The following EPHA6 variants were observed in gnomAD, a reference collection of about 807,000 sequenced individuals.
EPHA6 encodes the protein EPH receptor A6.
EPHA6 carries 50 observed loss-of-function variants against 112.0 expected under a neutral mutation model. The observed-to-expected ratio is 0.45, with a 90% CI of 0.36 to 0.56. EPHA6 has a LOEUF of 0.56. EPHA6 is among the 20% of genes least tolerant of loss of function. The pLI, the probability that EPHA6 is intolerant of heterozygous loss-of-function variation, is 0.00. For missense variants in EPHA6, 1,280 were observed against 1,417.4 expected (o/e 0.90, Z 1.56); for synonymous variants, 529 against 490.7 (o/e 1.08, Z -1.03).
At chr3:97,193,929 G>A (rs1298726073) in intron 3 of EPHA6, among the ~76,000 whole-genome samples, 1 of 151,942 alleles carries the variant, frequency 6.6e-6, no homozygotes, top group African/African-American at 2.4e-5. Flanking sequence ...CTGTTGATAT[G>A]ATATATCACA....
At chr3:96,981,605 T>C (rs1272620583) in intron 2 of EPHA6, among the ~76,000 whole-genome samples, 4 of 152,188 alleles carry the variant, frequency 2.6e-5, no homozygotes, top group African/African-American at 9.7e-5. Flanking sequence ...TTTCTATTGA[T>C]TGGAATAATT....
chr3:97,351,409 T>C (rs1216527828), intron 5 of EPHA6, among the ~76,000 whole-genome samples: 2 of 152,274 alleles, frequency 1.3e-5, no homozygotes, highest in African/African-American at 4.8e-5. Flanking sequence ...ATTTTTGTTA[T>C]GCTTGCTTTT....
At chr3:97,747,228 A>G (rs896568675) in intron 16 of EPHA6, among the ~76,000 whole-genome samples, 195 bp from the exon 17 acceptor site, 2 of 152,068 alleles carry the variant, frequency 1.3e-5, no homozygotes, top group Admixed American at 1.3e-4. Context: ...GTGTTCCACC[A>G]GATAAGTCAC....
intron 14 of EPHA6, among the ~76,000 whole-genome samples, chr3:97,694,098 G>A (rs922834029): frequency 6.6e-6 from 1 of 152,048 alleles, no homozygotes; most frequent in South Asian, 2.1e-4. Context: ...TTATTTTATA[G>A]CAAACACTTG....
At chr3:96,942,727 C>A (rs1042604215) in intron 2 of EPHA6, among the ~76,000 whole-genome samples, 2 of 152,182 alleles carry the variant, frequency 1.3e-5, no homozygotes, top group African/African-American at 4.8e-5. Context: ...AGCTGTAGAC[C>A]GGAGCTGTTC....
chr3:97,722,365 G>T (rs1288845033), intron 15 of EPHA6, among the ~76,000 whole-genome samples: 1 of 152,210 alleles, frequency 6.6e-6, no homozygotes, highest in Non-Finnish European at 1.5e-5. Flanking sequence ...GGAAGGGACT[G>T]TAAAGATTAT....
At position 97,479,326 on chromosome 3, in the gene EPHA6, CAGAAG is replaced by C. The variant is rs758678801; in HGVS notation, c.2048_2052del (p.Arg683LysfsTer14). ...TGGTACATAAAAGCCAAGATGAAGT[CAGAAG>C]AGAAGAGAAGAAACCACTTACAGAA... On this transcript the variant is annotated frameshift_variant, in exon 9 of 18. Transcript: ENST00000389672. LOFTEE classifies it high-confidence loss of function. The C allele has an allele frequency of 1.9e-6, 3 of 1,603,412 alleles. No homozygotes were observed. Among genetic ancestry groups the C allele is most frequent in the African/African-American group, 1.4e-5 (1 of 74,044 alleles).
chr3:97,645,899 G>A (rs2094057053), intron 14 of EPHA6, among the ~76,000 whole-genome samples: 1 of 151,948 alleles, frequency 6.6e-6, no homozygotes, highest in African/African-American at 2.4e-5. Context: ...TTTATAATCT[G>A]TGTCAGGAAG....
intron 3 of EPHA6, among the ~76,000 whole-genome samples, chr3:96,994,732 TAGAG>T (rs71623564): frequency 0.055 from 4,490 of 82,078 alleles, 121 homozygotes; most frequent in Non-Finnish European, 0.063. Flanking sequence ...TATATATATA[TAGAG>T]AGAGAGAGAG....
chr3:97,296,686 G>T (rs531893631), intron 5 of EPHA6, among the ~76,000 whole-genome samples: 1 of 152,102 alleles, frequency 6.6e-6, no homozygotes, highest in Non-Finnish European at 1.5e-5. Context: ...GTGTACCATG[G>T]CCCTGTTGTG....
intron 14 of EPHA6, among the ~76,000 whole-genome samples, chr3:97,639,700 C>T (rs527726854): frequency 2.6e-4 from 39 of 152,162 alleles, no homozygotes; most frequent in African/African-American, 7.9e-4. Flanking sequence ...TTTATGCATA[C>T]GTAAGTTTTG....
intron 2 of EPHA6, among the ~76,000 whole-genome samples, chr3:96,887,764 TGTGGCTAC>T (rs1357442059): frequency 6.6e-6 from 1 of 152,160 alleles, no homozygotes; most frequent in Non-Finnish European, 1.5e-5. Flanking sequence ...CAAGTCTTGC[TGTGGCTAC>T]TGTTGGGGAT....
At chr3:97,653,938 A>G (rs1199994468) in intron 14 of EPHA6, among the ~76,000 whole-genome samples, 1 of 151,968 alleles carries the variant, frequency 6.6e-6, no homozygotes, top group Non-Finnish European at 1.5e-5. Context: ...AATCTAAAAT[A>G]GTCTCATAGA....
chr3:97,085,292 T>C (rs972101124), intron 3 of EPHA6, among the ~76,000 whole-genome samples: 28 of 152,184 alleles, frequency 1.8e-4, no homozygotes, highest in Non-Finnish European at 4.0e-4. Context: ...ATGTGTGTCC[T>C]CTTCTTGCCA....
At chr3:97,274,516 C>G (rs186409236) in intron 5 of EPHA6, among the ~76,000 whole-genome samples, 1 of 152,214 alleles carries the variant, frequency 6.6e-6, no homozygotes, top group African/African-American at 2.4e-5. Flanking sequence ...CATGGTGGTG[C>G]AGAATATGAA....
At chr3:97,181,763 T>A (rs1379585054) in intron 3 of EPHA6, among the ~76,000 whole-genome samples, 7 of 152,146 alleles carry the variant, frequency 4.6e-5, no homozygotes, top group African/African-American at 1.2e-4. Context: ...GTTGATGACC[T>A]TTTTTAAAAA....
intron 6 of EPHA6, among the ~76,000 whole-genome samples, chr3:97,431,255 G>A (rs1398567924): frequency 6.6e-6 from 1 of 151,852 alleles, no homozygotes; most frequent in African/African-American, 2.4e-5. Flanking sequence ...AATTCTATTA[G>A]AAATATCAAC....
In EPHA6 at chr3:97,728,669, A is replaced by G. The variant is rs374007145; in HGVS notation, c.2935-7256A>G. Among the ~76,000 whole-genome samples the G allele has an allele frequency of 2.6e-5, 4 of 152,220 alleles. No homozygotes were observed. The East Asian group carries it at 7.8e-4, about 30-fold the overall frequency. On this transcript the variant is annotated intron_variant, in intron 15 of 17. Transcript: ENST00000389672. The stretch of plus-strand genomic sequence containing the variant: ...TAGATTTTTTGAGGTGAAAGGTACT[A>G]TTGCAGACAGAGTCCAGTCCTCTTT...
At chr3:97,345,481 T>A (rs1297825464) in intron 5 of EPHA6, among the ~76,000 whole-genome samples, 2 of 152,046 alleles carry the variant, frequency 1.3e-5, no homozygotes, top group Non-Finnish European at 2.9e-5. Flanking sequence ...TGAAGGAGAG[T>A]TTGATGACAA....
Sources: gnomAD v4.1 joint callset for allele counts (sites outside exome capture counted in the v4.1 genomes callset) on GRCh38, gnomAD v4.1.1 for gene constraint, MANE v1.5 for transcripts, NCBI Gene and HGNC (gene_info 2026-07-23, HGNC 2026-07-21) for gene names.